CNTN3: variants seen among roughly 807,000 people sequenced by gnomAD.
CNTN3 encodes the protein contactin-3.
A neutral mutation model predicts 119.1 loss-of-function variants in CNTN3; 60 were observed. The ratio of observed to expected loss-of-function variants is 0.50; its 90% CI spans 0.41 to 0.62. CNTN3 has a LOEUF of 0.62. CNTN3 is among the 20% of genes least tolerant of loss of function. CNTN3 has a pLI of 0.00. For synonymous variants in CNTN3, 450 were observed against 438.7 expected (o/e 1.03, Z -0.32); for missense variants, 1,101 against 1,242.4 (o/e 0.89, Z 1.71).
At chr3:74,515,546 C>T (rs925430947) in intron 2 of CNTN3, among the ~76,000 whole-genome samples, 2 of 152,114 alleles carry the variant, frequency 1.3e-5, no homozygotes, top group East Asian at 1.9e-4. Flanking sequence ...AATTATTTGA[C>T]GCAAGAAACC....
intron 1 of CNTN3, among the ~76,000 whole-genome samples, chr3:74,590,362 G>A (rs778424743): frequency 1.3e-5 from 2 of 151,952 alleles, no homozygotes; most frequent in Non-Finnish European, 2.9e-5. Flanking sequence ...TAACACAGAT[G>A]CCCAACTATC....
intron 13 of CNTN3, among the ~76,000 whole-genome samples, chr3:74,332,887 T>C (rs1175969650): frequency 6.6e-6 from 1 of 152,246 alleles, no homozygotes; most frequent in Non-Finnish European, 1.5e-5. Flanking sequence ...AGGGTCTTTA[T>C]GAAAGTAACA....
chr3:74,394,723 C>T (rs1045894719), intron 5 of CNTN3, among the ~76,000 whole-genome samples: 4 of 152,064 alleles, frequency 2.6e-5, no homozygotes, highest in African/African-American at 9.7e-5. Context: ...TAGAGAAAGG[C>T]TTATAAGCCT....
intron 1 of CNTN3, among the ~76,000 whole-genome samples, chr3:74,550,462 CA>C (rs1381587695): frequency 1.3e-5 from 2 of 152,174 alleles, no homozygotes; most frequent in Non-Finnish European, 2.9e-5. Flanking sequence ...TTGGAAGAGG[CA>C]CCAAATACTC....
chr3:74,476,774 A>C (rs983863772), intron 4 of CNTN3, among the ~76,000 whole-genome samples: 5 of 152,170 alleles, frequency 3.3e-5, no homozygotes, highest in Non-Finnish European at 5.9e-5. Flanking sequence ...GACATGGAAA[A>C]TATATTCATT....
chr3:74,578,647 T>C (rs867301752), intron 1 of CNTN3, among the ~76,000 whole-genome samples: 16 of 152,172 alleles, frequency 1.1e-4, no homozygotes, highest in African/African-American at 3.9e-4. Context: ...CATAACTTTC[T>C]GCATTTCCAT....
intron 11 of CNTN3, among the ~76,000 whole-genome samples, chr3:74,345,739 C>T (rs913615758): frequency 2.0e-5 from 3 of 152,100 alleles, no homozygotes; most frequent in Admixed American, 6.5e-5. Flanking sequence ...TTGTGTATCT[C>T]CTTATCACAT....
At chr3:74,306,831 T>C (rs750235787) in intron 13 of CNTN3, among the ~76,000 whole-genome samples, 1 of 152,206 alleles carries the variant, frequency 6.6e-6, no homozygotes, top group Non-Finnish European at 1.5e-5. Context: ...AAAGTAACTA[T>C]TCTACTTTAG....
At position 74,586,800 on chromosome 3, in the gene CNTN3, G is replaced by A. The variant is rs188466246; in HGVS notation, c.-81+27591C>T. ...ATGAATGATTAAAGCCATAACTCAA[G>A]CAGGACCCTATCTTGAACACTACCC... On this transcript the variant is annotated intron_variant, in intron 1 of 22. Transcript: ENST00000263665. Among the ~76,000 whole-genome samples, 98 of 152,144 alleles carry A rather than the reference G, an allele frequency of 6.4e-4. 1 individual carries two copies. In the East Asian group the frequency reaches 0.012, roughly 19 times the overall value.
At chr3:74,267,679 G>A (rs1356530547) in intron 20 of CNTN3, 1 of 288,438 alleles carries the variant, frequency 3.5e-6, no homozygotes, top group Middle Eastern at 1.1e-3. Flanking sequence ...TAATGTGTAA[G>A]ATAATTCATT....
intron 7 of CNTN3, 88 bp from the exon 8 acceptor site, chr3:74,369,461 C>T: frequency 9.2e-7 from 1 of 1,083,468 alleles, no homozygotes; most frequent in Non-Finnish European, 1.3e-6. Context: ...AACAAGAAGG[C>T]ACAGGATTTT....
chr3:74,518,740 T>A (rs914949864), intron 2 of CNTN3, among the ~76,000 whole-genome samples: 3 of 151,940 alleles, frequency 2.0e-5, no homozygotes, highest in Non-Finnish European at 4.4e-5. Context: ...GGAAGACTAG[T>A]ACAGAAATTC....
chr3:74,334,575 A>G (rs1703342757), intron 13 of CNTN3, among the ~76,000 whole-genome samples, 160 bp downstream of exon 13: 1 of 152,256 alleles, frequency 6.6e-6, no homozygotes, highest in African/African-American at 2.4e-5. Flanking sequence ...GGTAATTACA[A>G]AAATAAAATT....
chr3:74,403,259 G>A (rs1575691687), intron 5 of CNTN3, among the ~76,000 whole-genome samples: 1 of 152,152 alleles, frequency 6.6e-6, no homozygotes, highest in Admixed American at 6.5e-5. Context: ...ACAAAACTGT[G>A]CAATATTTTG....
intron 13 of CNTN3, among the ~76,000 whole-genome samples, chr3:74,304,182 G>T (rs1052118847): frequency 2.0e-5 from 3 of 152,144 alleles, no homozygotes; most frequent in Non-Finnish European, 2.9e-5. Context: ...CATGAAATTT[G>T]TGAGAACTGG....
intron 19 of CNTN3, among the ~76,000 whole-genome samples, chr3:74,294,111 C>T (rs759476364): frequency 6.6e-6 from 1 of 152,134 alleles, no homozygotes; most frequent in Admixed American, 6.5e-5. Flanking sequence ...TGCAAACCTG[C>T]CTGTGTAAGC....
At chr3:74,592,960 C>A (rs1432074975) in intron 1 of CNTN3, among the ~76,000 whole-genome samples, 1 of 151,868 alleles carries the variant, frequency 6.6e-6, no homozygotes, top group Admixed American at 6.6e-5. Flanking sequence ...CTAGTATATT[C>A]CAGGCACAAC....
At chr3:74,465,607 A>C (rs1377166731) in intron 4 of CNTN3, among the ~76,000 whole-genome samples, 1 of 152,180 alleles carries the variant, frequency 6.6e-6, no homozygotes, top group African/African-American at 2.4e-5. Context: ...TGTACACACA[A>C]AAAAATGCAT....
intron 22 of CNTN3, 51 bp from the exon 23 acceptor site, chr3:74,264,552 T>C (rs369512895): frequency 4.0e-5 from 50 of 1,241,144 alleles, no homozygotes; most frequent in Non-Finnish European, 5.6e-5. Context: ...CAATATGTAA[T>C]CAGGGTGCTA....
Sources: allele counts gnomAD v4.1 joint callset (sites outside exome capture counted in the v4.1 genomes callset), GRCh38; gene constraint gnomAD v4.1.1; transcripts MANE v1.5; gene names NCBI Gene and HGNC (gene_info 2026-07-23, HGNC 2026-07-21).